The following PRKCB variants were observed in gnomAD, a reference collection of about 807,000 sequenced individuals.
The protein encoded by PRKCB is protein kinase C beta.
In PRKCB, 13 loss-of-function variants were observed where a neutral mutation model predicts 81.5. The observed-to-expected ratio is 0.16, with a 90% CI of 0.10 to 0.25. The LOEUF is 0.25. PRKCB is among the 10% of genes least tolerant of loss of function. PRKCB has a pLI of 1.00. For synonymous variants in PRKCB, 335 were observed against 321.4 expected (o/e 1.04, Z -0.45); for missense variants, 509 against 875.7 (o/e 0.58, Z 5.29).
intron 2 of PRKCB, among the ~76,000 whole-genome samples, chr16:23,913,355 G>C (rs1464305384): frequency 1.3e-5 from 2 of 151,860 alleles, no homozygotes; most frequent in Non-Finnish European, 2.9e-5. Flanking sequence ...AAAAAAATCT[G>C]ACTGGCCAGG....
intron 3 of PRKCB, among the ~76,000 whole-genome samples, chr16:23,988,886 A>AGGTAGTTTC (rs1304420576): frequency 1.8e-4 from 28 of 152,252 alleles, no homozygotes; most frequent in African/African-American, 6.0e-4. Context: ...GGCTGCAAAA[A>AGGTAGTTTC]GGTAGTTTCG....
chr16:24,153,224 G>A (rs1447468044), intron 9 of PRKCB, among the ~76,000 whole-genome samples: 1 of 152,156 alleles, frequency 6.6e-6, no homozygotes, highest in Non-Finnish European at 1.5e-5. Context: ...GCTGAGTTGA[G>A]TGTAGCATCT....
intron 5 of PRKCB, among the ~76,000 whole-genome samples, chr16:24,077,387 G>A (rs1466509400): frequency 1.3e-5 from 2 of 150,374 alleles, no homozygotes; most frequent in Non-Finnish European, 3.0e-5. Context: ...ATCCACCCAT[G>A]CATTCATCTC....
At chr16:23,973,828 G>A (rs1278901621) in intron 2 of PRKCB, among the ~76,000 whole-genome samples, 5 of 151,984 alleles carry the variant, frequency 3.3e-5, no homozygotes, top group Admixed American at 6.6e-5. Flanking sequence ...GCACCACCTT[G>A]CCCCGCTACT....
chr16:23,924,169 T>A (rs182931488), intron 2 of PRKCB, among the ~76,000 whole-genome samples: 29 of 121,972 alleles, frequency 2.4e-4, no homozygotes, highest in Admixed American at 1.6e-3. Flanking sequence ...TCACAAGAGC[T>A]GATGGTTTTA....
intron 10 of PRKCB, among the ~76,000 whole-genome samples, chr16:24,169,537 G>A (rs753739296): frequency 1.3e-5 from 2 of 152,058 alleles, no homozygotes; most frequent in Non-Finnish European, 2.9e-5. Context: ...CAGGGCCTTC[G>A]CACAGCCTGT....
chr16:23,921,108 G>C (rs1384173901), intron 2 of PRKCB, among the ~76,000 whole-genome samples: 4 of 152,126 alleles, frequency 2.6e-5, no homozygotes, highest in Non-Finnish European at 4.4e-5. Context: ...CCATGATTCA[G>C]TTATTTCCAC....
intron 5 of PRKCB, among the ~76,000 whole-genome samples, chr16:24,050,777 C>A (rs750224939): frequency 3.9e-5 from 6 of 152,186 alleles, no homozygotes; most frequent in Non-Finnish European, 7.3e-5. Flanking sequence ...CAACAAAATT[C>A]TCTTTCTGCA....
At chr16:24,107,399 C>G (rs551896038) in intron 7 of PRKCB, among the ~76,000 whole-genome samples, 12 of 152,286 alleles carry the variant, frequency 7.9e-5, no homozygotes, top group African/African-American at 2.6e-4. Context: ...TGTCCTTGTT[C>G]TAACATTTCA....
At chr16:23,865,242 T>C (rs1962750087) in intron 2 of PRKCB, among the ~76,000 whole-genome samples, 1 of 149,106 alleles carries the variant, frequency 6.7e-6, no homozygotes, top group Non-Finnish European at 1.5e-5. Flanking sequence ...GAAATAGAAA[T>C]CAAGATTTAT....
intron 5 of PRKCB, among the ~76,000 whole-genome samples, chr16:24,059,251 G>T (rs1477519488): frequency 6.6e-6 from 1 of 152,210 alleles, no homozygotes; most frequent in Non-Finnish European, 1.5e-5. Flanking sequence ...AATTCTTTGA[G>T]TGGGTCAGGA....
intron 9 of PRKCB, among the ~76,000 whole-genome samples, chr16:24,136,643 G>A (rs1966865819): frequency 6.6e-6 from 1 of 152,106 alleles, no homozygotes; most frequent in Admixed American, 6.5e-5. Flanking sequence ...TAAAATCCCG[G>A]GAAAGAAAAA....
In PRKCB at chr16:24,216,261, C is replaced by T. The variant is rs1596604372; in HGVS notation, c.*1445C>T. On this transcript the variant is annotated 3_prime_UTR_variant, in exon 17 of 17. Coordinates refer to ENST00000643927, the MANE Select transcript of PRKCB (RefSeq NM_002738.7). Reference sequence around the variant, plus strand: ...GCCCAAAGTCAAGTTTAGAGACCAGCTGGGAACGTGAATGGGGCTCTTGAT... The same window carrying T: ...GCCCAAAGTCAAGTTTAGAGACCAGTTGGGAACGTGAATGGGGCTCTTGAT... 2.0e-6 allele frequency: 2 copies of T among 985,420 alleles called. No individual in the cohort carries two copies. Among genetic ancestry groups the T allele is most frequent in the South Asian group, 4.7e-5 (1 of 21,288 alleles). 61.0% of individuals were successfully genotyped at this position (985,420 alleles called of 1,614,324 possible). A position where few individuals can be genotyped will look rare whatever the true frequency, so the allele number is the denominator to read the frequency against.
At chr16:24,093,943 T>A (rs1324500456) in intron 6 of PRKCB, among the ~76,000 whole-genome samples, 1 of 152,238 alleles carries the variant, frequency 6.6e-6, no homozygotes, top group Non-Finnish European at 1.5e-5. Flanking sequence ...GTTCTTGTCA[T>A]AGCCAGTCTA....
At chr16:23,936,579 A>ATTTTTTTTTTTT (rs57643578) in intron 2 of PRKCB, among the ~76,000 whole-genome samples, 12 of 96,042 alleles carry the variant, frequency 1.2e-4, no homozygotes, top group Non-Finnish European at 1.7e-4. Context: ...CACCCAACTA[A>ATTTTTTTTTTTT]TTTTTTTTTT....
Position 24,032,222 on chromosome 16 carries a change from C to T in PRKCB, c.375C>T (p.Leu125=). Residue 125 remains leucine, a synonymous_variant, in exon 4 of 17, where the codon CTC becomes CTT. Coordinates refer to ENST00000643927, the MANE Select transcript of PRKCB (RefSeq NM_002738.7). ...ACTGTGGGTCACTGCTGTATGGACT[C>T]ATCCACCAGGGGATGAAATGTGACA... The part of the protein sequence containing the change: ...CDHCGSLLYG[L]IHQGMKCDTC... 1 of 1,611,068 alleles carries T rather than the reference C, an allele frequency of 6.2e-7. No individual in the cohort carries two copies. The highest frequency in any genetic ancestry group is 1.7e-4 in the Middle Eastern group (1 of 6,056).
intron 7 of PRKCB, among the ~76,000 whole-genome samples, chr16:24,107,887 C>A (rs1966598527): frequency 6.6e-6 from 1 of 152,158 alleles, no homozygotes; most frequent in South Asian, 2.1e-4. Context: ...TGTGAGACCC[C>A]AAATACTCTA....
In PRKCB at chr16:24,118,743, C is replaced by G. The variant is rs114498537; in HGVS notation, c.919-5092C>G. ...ATGAAAAGGCAACCATTAGTGTATTCCTGTTTCTGAAAGCACATCCCACAC... is the reference window on the plus strand; with the variant it reads ...ATGAAAAGGCAACCATTAGTGTATTGCTGTTTCTGAAAGCACATCCCACAC... On this transcript the variant is annotated intron_variant, in intron 8 of 16. Coordinates refer to ENST00000643927, the MANE Select transcript of PRKCB (RefSeq NM_002738.7). Among the ~76,000 whole-genome samples, 1,372 of 152,276 alleles carry G rather than the reference C, an allele frequency of 9.0e-3. 15 individuals carry two copies. The highest frequency in any genetic ancestry group is 0.031 in the African/African-American group (1,305 of 41,534).
At chr16:23,840,043 A>G (rs1962239144) in intron 2 of PRKCB, among the ~76,000 whole-genome samples, 1 of 152,060 alleles carries the variant, frequency 6.6e-6, no homozygotes, top group African/African-American at 2.4e-5. Flanking sequence ...AGCAGTAGGG[A>G]GGAGTGAGGG....
Sources: allele counts gnomAD v4.1 joint callset (sites outside exome capture counted in the v4.1 genomes callset), GRCh38; gene constraint gnomAD v4.1.1; transcripts MANE v1.5; gene names NCBI Gene and HGNC (gene_info 2026-07-23, HGNC 2026-07-21).